Variants in ATAD2B observed in about 807,000 individuals in gnomAD.
ATAD2B encodes the protein ATPase family AAA domain-containing protein 2B.
Under a neutral mutation model 167.6 loss-of-function variants are expected in ATAD2B, and 40 were observed. That is an observed-to-expected ratio of 0.24 (90% CI 0.19 to 0.31). ATAD2B has a LOEUF of 0.31. ATAD2B is among the 10% of genes least tolerant of loss of function. The probability of loss-of-function intolerance (pLI) is 1.00; values close to 1 mark genes in which losing one functional copy is unlikely to be tolerated. For synonymous variants in ATAD2B, 579 were observed against 596.5 expected (o/e 0.97, Z 0.43); for missense variants, 1,242 against 1,757.2 (o/e 0.71, Z 5.24).
At chr2:23,882,819 A>T (rs2150231649) in intron 6 of ATAD2B, among the ~76,000 whole-genome samples, 1 of 147,518 alleles carries the variant, frequency 6.8e-6, no homozygotes, top group Admixed American at 6.8e-5. Context: ...CAACAACAAC[A>T]ACAACAAAAA....
At chr2:23,860,539 T>C (rs1196137253) in intron 12 of ATAD2B, among the ~76,000 whole-genome samples, 2 of 152,174 alleles carry the variant, frequency 1.3e-5, no homozygotes, top group Non-Finnish European at 2.9e-5. Context: ...TTTACTCAAA[T>C]TTATGTAGCT....
the ATAD2B span, chr2:23,684,595 G>A: frequency 2.6e-5 from 37 of 1,440,448 alleles, no homozygotes; most frequent in East Asian, 3.9e-4. This position sits in a 1 kb window ranked among gnomAD's most constrained non-coding sequence, Gnocchi z 4.4. Flanking sequence ...CTTTTGTGTC[G>A]CTTTTCTCTT....
At position 23,837,799 on chromosome 2, in the gene ATAD2B, C is replaced by T. The variant is rs537826892; in HGVS notation, c.1569-3721G>A. Among the ~76,000 whole-genome samples the T allele has an allele frequency of 2.0e-5, 3 of 152,306 alleles. No homozygotes were observed. The South Asian group carries it at 6.2e-4, about 32-fold the overall frequency. On this transcript the variant is annotated intron_variant, in intron 13 of 27. Coordinates refer to ENST00000238789, the MANE Select transcript of ATAD2B (RefSeq NM_017552.4). Reference sequence around the variant, plus strand: ...TTCTATTATATTAGATTTACATTATCGTTACACCTTTGGACAATTTCTTTA... The same window carrying T: ...TTCTATTATATTAGATTTACATTATTGTTACACCTTTGGACAATTTCTTTA...
rs375168727 is a variant in ATAD2B, at chr2:23,926,859, C to A, written c.-89G>T. On this transcript the variant is annotated 5_prime_UTR_variant, in exon 1 of 28. Coordinates refer to ENST00000238789, the MANE Select transcript of ATAD2B (RefSeq NM_017552.4). ...GCCGGTCAGTCAGGGCCAGCGGAGCCGAGCCGGGCAATGAGAGACGAGCCG... is the reference window on the plus strand; with the variant it reads ...GCCGGTCAGTCAGGGCCAGCGGAGCAGAGCCGGGCAATGAGAGACGAGCCG... 9 of 1,415,262 alleles carry A rather than the reference C, an allele frequency of 6.4e-6. No individual in the cohort carries two copies. The East Asian group carries it at 8.1e-5, about 13-fold the overall frequency. The allele number at this position is 1,415,262 out of a possible 1,614,324, so 87.7% of individuals were successfully genotyped here. A position where few individuals can be genotyped will look rare whatever the true frequency, so the allele number is the denominator to read the frequency against.
the ATAD2B span, among the ~76,000 whole-genome samples, chr2:23,681,937 C>T: frequency 6.8e-4 from 103 of 152,228 alleles, no homozygotes; most frequent in African/African-American, 2.3e-3. The surrounding 1 kb of genome is among the most constrained non-coding windows in gnomAD (Gnocchi z 4.2). Flanking sequence ...CTGGGCTGTG[C>T]GCAGGCGCCG....
intron 18 of ATAD2B, among the ~76,000 whole-genome samples, chr2:23,808,081 TTATA>T (rs1363658978): frequency 7.5e-6 from 1 of 133,528 alleles, no homozygotes; most frequent in Non-Finnish European, 1.6e-5. Context: ...ATATAAGTAA[TTATA>T]TATATAATTA....
At chr2:23,925,596 C>G (rs1396729248) in intron 1 of ATAD2B, among the ~76,000 whole-genome samples, 1 of 152,180 alleles carries the variant, frequency 6.6e-6, no homozygotes, top group African/African-American at 2.4e-5. Flanking sequence ...TCTCTGAATT[C>G]AGAAACAATC....
intron 17 of ATAD2B, among the ~76,000 whole-genome samples, chr2:23,817,227 T>G (rs1686582233): frequency 6.6e-6 from 1 of 152,152 alleles, no homozygotes; most frequent in Non-Finnish European, 1.5e-5. Flanking sequence ...AAATATGGTC[T>G]TAGGAAACAG....
At chr2:23,914,497 G>T (rs889912361) in intron 1 of ATAD2B, among the ~76,000 whole-genome samples, 5 of 152,034 alleles carry the variant, frequency 3.3e-5, no homozygotes, top group Admixed American at 3.3e-4. Context: ...ACTAAAGAAA[G>T]GCTATTAAAA....
At chr2:23,830,528 C>A (rs149533364) in intron 14 of ATAD2B, among the ~76,000 whole-genome samples, 102 of 152,196 alleles carry the variant, frequency 6.7e-4, no homozygotes, top group African/African-American at 2.3e-3. Context: ...AATCTGGGGT[C>A]CAGCAACAAA....
intron 1 of ATAD2B, among the ~76,000 whole-genome samples, chr2:23,925,008 C>T (rs1033721029): frequency 6.6e-6 from 1 of 152,178 alleles, no homozygotes; most frequent in African/African-American, 2.4e-5. Flanking sequence ...TAGGCATTCA[C>T]ATAGCATGAT....
the ATAD2B span, chr2:23,684,624 C>G: frequency 8.0e-7 from 1 of 1,250,276 alleles, no homozygotes; most frequent in Non-Finnish European, 1.1e-6. This position sits in a 1 kb window ranked among gnomAD's most constrained non-coding sequence, Gnocchi z 4.4. Context: ...TTGCAGGTTC[C>G]TGAAGCGTGA....
At chr2:23,899,391 T>TTTC (rs1700528259) in intron 1 of ATAD2B, among the ~76,000 whole-genome samples, 1 of 151,702 alleles carries the variant, frequency 6.6e-6, no homozygotes, top group Non-Finnish European at 1.5e-5. Context: ...TGAGCATGTA[T>TTTC]ATAATTAAGA....
At chr2:23,915,901 A>G (rs1702984945) in intron 1 of ATAD2B, among the ~76,000 whole-genome samples, 2 of 151,988 alleles carry the variant, frequency 1.3e-5, no homozygotes, top group Non-Finnish European at 2.9e-5. Context: ...TCAATTCATT[A>G]TTTTGCTTTT....
intron 22 of ATAD2B, among the ~76,000 whole-genome samples, chr2:23,772,725 G>A (rs1209615207): frequency 6.6e-6 from 1 of 151,910 alleles, no homozygotes; most frequent in African/African-American, 2.4e-5. Context: ...AGGGAACACT[G>A]CTTTTTTGGG....
In ATAD2B at chr2:23,750,347, G is replaced by A. The variant is rs935939481; in HGVS notation, c.*1699C>T. The A allele has an allele frequency of 1.2e-4, 18 of 152,046 alleles. No individual in the cohort carries two copies. The highest frequency in any genetic ancestry group is 3.6e-4 in the African/African-American group (15 of 41,422). 9.4% of individuals were successfully genotyped at this position (152,046 alleles called of 1,614,324 possible). ...AAAAATTAAGCTAGAATTAGAAGGCGTTAGATGTAAATGTAAATGCAAAGA... is the reference window on the plus strand; with the variant it reads ...AAAAATTAAGCTAGAATTAGAAGGCATTAGATGTAAATGTAAATGCAAAGA... On this transcript the variant is annotated 3_prime_UTR_variant, in exon 28 of 28. Coordinates refer to ENST00000238789, the MANE Select transcript of ATAD2B (RefSeq NM_017552.4).
At chr2:23,781,870 T>C (rs1021956591) in intron 22 of ATAD2B, among the ~76,000 whole-genome samples, 2 of 151,998 alleles carry the variant, frequency 1.3e-5, no homozygotes, top group African/African-American at 4.8e-5. Context: ...TGGAGTACAG[T>C]GGCATGATCA....
chr2:23,762,986 A>G (rs953758230), intron 23 of ATAD2B, among the ~76,000 whole-genome samples: 8 of 152,184 alleles, frequency 5.3e-5, no homozygotes, highest in African/African-American at 1.9e-4. Flanking sequence ...TAATTCTCAA[A>G]TCTGTATCTT....
intron 19 of ATAD2B, among the ~76,000 whole-genome samples, chr2:23,796,705 C>T (rs1682680303): frequency 6.6e-6 from 1 of 152,082 alleles, no homozygotes; most frequent in African/African-American, 2.4e-5. Context: ...AGGTTCAGTC[C>T]ATTCCTCTAA....
Sources: gnomAD v4.1 joint callset for allele counts (sites outside exome capture counted in the v4.1 genomes callset) on GRCh38, gnomAD v4.1.1 for gene constraint, Gnocchi (gnomAD v3.1) non-coding constraint, MANE v1.5 for transcripts, NCBI Gene and HGNC (gene_info 2026-07-23, HGNC 2026-07-21) for gene names.